Variants in OCRL observed in about 807,000 individuals in gnomAD.
OCRL encodes the protein OCRL inositol polyphosphate-5-phosphatase, also known as inositol polyphosphate 5-phosphatase OCRL.
OCRL carries 8 observed loss-of-function variants against 78.9 expected under a neutral mutation model. The observed-to-expected ratio is 0.10, with a 90% CI of 0.06 to 0.18. The LOEUF (loss-of-function observed/expected upper bound fraction) is 0.18. Ranked by LOEUF, OCRL falls within the 10% of genes least tolerant of loss-of-function variation. The pLI, the probability that OCRL is intolerant of heterozygous loss-of-function variation, is 1.00. For synonymous variants in OCRL, 240 were observed against 235.4 expected (o/e 1.02, Z -0.18); for missense variants, 454 against 696.7 (o/e 0.65, Z 3.92).
At chrX:129,584,680 A>G (rs192190402) in intron 19 of OCRL, among the ~76,000 whole-genome samples, 1 of 112,435 alleles carries the variant, frequency 8.9e-6, no homozygotes, top group African/African-American at 3.2e-5. Flanking sequence ...GGGGGGTACC[A>G]GTTAGCTGTC....
intron 18 of OCRL, 125 bp from the exon 19 acceptor site, chrX:129,584,219 A>T: frequency 1.8e-6 from 1 of 541,976 alleles, no homozygotes; most frequent in South Asian, 2.8e-5. Flanking sequence ...AAGAATTCAA[A>T]GCTGTTTAAA....
intron 3 of OCRL, among the ~76,000 whole-genome samples, chrX:129,548,036 G>A (rs1338219341): frequency 8.9e-6 from 1 of 112,035 alleles, no homozygotes; most frequent in African/African-American, 3.3e-5. Context: ...CCCACAGGTA[G>A]TAGTTGTAAC....
chrX:129,584,220 G>C (rs1223120124), intron 18 of OCRL, 124 bp from the exon 19 acceptor site: 2 of 542,061 alleles, frequency 3.7e-6, no homozygotes, highest in East Asian at 6.9e-5. Context: ...AGAATTCAAA[G>C]CTGTTTAAAG....
At chrX:129,550,752 C>T (rs1173042936) in intron 4 of OCRL, among the ~76,000 whole-genome samples, 1 of 110,806 alleles carries the variant, frequency 9.0e-6, no homozygotes, top group Non-Finnish European at 1.9e-5. Context: ...TGGTAGCTAA[C>T]CTTAATATCT....
intron 2 of OCRL, among the ~76,000 whole-genome samples, chrX:129,542,881 CT>C (rs1455526079): frequency 1.8e-5 from 2 of 111,990 alleles, no homozygotes; most frequent in African/African-American, 6.5e-5. Context: ...AACTTGAAGC[CT>C]GACTTAAATC....
chrX:129,587,215 C>A, intron 20 of OCRL, 97 bp downstream of exon 20: 1 of 589,986 alleles, frequency 1.7e-6, no homozygotes, highest in Non-Finnish European at 3.0e-6. Flanking sequence ...TTAACTTTCC[C>A]AAGCTACCTG....
At chrX:129,552,529 A>G (rs1314012493) in intron 4 of OCRL, among the ~76,000 whole-genome samples, 1 of 111,680 alleles carries the variant, frequency 9.0e-6, no homozygotes, top group Non-Finnish European at 1.9e-5. Context: ...GGTTGAAGCT[A>G]TTCCCCTGCC....
At chrX:129,561,537 A>C (rs1936145566) in intron 10 of OCRL, among the ~76,000 whole-genome samples, 1 of 112,241 alleles carries the variant, frequency 8.9e-6, no homozygotes, top group Non-Finnish European at 1.9e-5. Context: ...TATTATGCTT[A>C]TATCAATACT....
chrX:129,569,829 A>C (rs1048769515), intron 15 of OCRL, among the ~76,000 whole-genome samples: 2 of 105,341 alleles, frequency 1.9e-5, no homozygotes, highest in Admixed American at 2.0e-4. Context: ...TCATCCCTAC[A>C]CTTATTTTTT....
At chrX:129,548,302 G>A (rs1052810220) in intron 3 of OCRL, among the ~76,000 whole-genome samples, 13 of 112,050 alleles carry the variant, frequency 1.2e-4, no homozygotes, top group African/African-American at 3.2e-4. Flanking sequence ...TTTCTCATTC[G>A]TTGATTTGCT....
Position 129,540,276 on chromosome X carries a change from C to T in OCRL, c.-164C>T, listed in dbSNP as rs1403084695. ...GCGCCGCTCTCTCTTGGGTCAGATT[C>T]TCAGCTCCCAGCTCCCCGCTCCCGG... On this transcript the variant is annotated 5_prime_UTR_variant, in exon 1 of 24. Coordinates refer to ENST00000371113, the MANE Select transcript of OCRL (RefSeq NM_000276.4). The T allele has an allele frequency of 7.1e-6, 4 of 566,647 alleles. No individual in the cohort carries two copies. The highest frequency in any genetic ancestry group is 6.9e-5 in the African/African-American group (3 of 43,778). The allele number at this position is 566,647 out of a possible 1,213,427, so 46.7% of individuals were successfully genotyped here. A position where few individuals can be genotyped will look rare whatever the true frequency, so the allele number is the denominator to read the frequency against.
chrX:129,585,513 G>T (rs774333615), intron 19 of OCRL, among the ~76,000 whole-genome samples: 1 of 112,152 alleles, frequency 8.9e-6, no homozygotes, highest in African/African-American at 3.2e-5. Flanking sequence ...TGCTGCATTT[G>T]GTCCAGAGAG....
intron 18 of OCRL, among the ~76,000 whole-genome samples, chrX:129,581,816 A>C: frequency 1.2e-5 from 1 of 84,701 alleles, no homozygotes; most frequent in East Asian, 4.8e-4. Context: ...TAGCCTTTGA[A>C]TGATCCCTTT....
intron 12 of OCRL, 109 bp downstream of exon 12, chrX:129,562,895 G>C: frequency 1.3e-6 from 1 of 755,528 alleles, no homozygotes; most frequent in South Asian, 2.5e-5. Context: ...AAGATTACCA[G>C]TGAGGGATTG....
At position 129,562,259 on chromosome X, in the gene OCRL, A is replaced by G. The variant is rs1048824764; in HGVS notation, c.940-125A>G. ...ACTTGACGGGGTCCACTGAGAAATTAGAGGATATGAAGTCAGATTTGGGCA... is the reference window on the plus strand; with the variant it reads ...ACTTGACGGGGTCCACTGAGAAATTGGAGGATATGAAGTCAGATTTGGGCA... On this transcript the variant is annotated intron_variant, in intron 10 of 23. Coordinates refer to ENST00000371113, the MANE Select transcript of OCRL (RefSeq NM_000276.4). 3 of 576,877 alleles carry G rather than the reference A, an allele frequency of 5.2e-6. No individual in the cohort carries two copies. The African/African-American group carries it at 6.7e-5, about 13-fold the overall frequency. 47.5% of individuals were successfully genotyped at this position (576,877 alleles called of 1,213,427 possible).
intron 22 of OCRL, 42 bp downstream of exon 22, chrX:129,589,055 C>G (rs1280613060): frequency 8.3e-7 from 1 of 1,205,742 alleles, no homozygotes; most frequent in Admixed American, 2.2e-5. Flanking sequence ...CGCAGATTGC[C>G]CCATAGAGAA....
Position 129,557,427 on chromosome X carries a change from C to T in OCRL, c.341C>T (p.Ala114Val). ...CLKFLSAVLA[A>V]QKAQSQLLVP... ...AAGTTCCTCTCAGCTGTCCTTGCTG[C>T]TCAGAAAGGTAACTAAAGACTCAGC... Residue 114 changes from alanine (A) to valine (V), a missense_variant, in exon 5 of 24, where the codon GCT becomes GTT. Physicochemically the swap from Ala to Val is moderately conservative, Grantham distance 64 (BLOSUM62 0). This residue lies in a region of OCRL where 177 missense variants were observed against 179.6 expected (regional missense o/e 0.99). Transcript: ENST00000371113. The T allele has an allele frequency of 2.5e-6, 3 of 1,198,456 alleles. No individual in the cohort carries two copies. The highest frequency in any genetic ancestry group is 3.4e-6 in the Non-Finnish European group (3 of 883,630).
intron 18 of OCRL, among the ~76,000 whole-genome samples, chrX:129,578,841 T>C (rs1462094188): frequency 9.0e-6 from 1 of 111,225 alleles, no homozygotes; most frequent in East Asian, 2.8e-4. Context: ...TTTCTGAGTT[T>C]TTATTAAATT....
chrX:129,556,491 G>C (rs772291745), intron 4 of OCRL, among the ~76,000 whole-genome samples: 1 of 111,909 alleles, frequency 8.9e-6, no homozygotes. Context: ...GTTTCCAGAG[G>C]CATGAGAAAA....
Sources: allele counts gnomAD v4.1 joint callset (sites outside exome capture counted in the v4.1 genomes callset), GRCh38; gene constraint gnomAD v4.1.1; regional missense constraint gnomAD v4.1.1; transcripts MANE v1.5; gene names NCBI Gene and HGNC (gene_info 2026-07-23, HGNC 2026-07-21).